The following GFRA2 variants were observed in gnomAD, a reference collection of about 807,000 sequenced individuals.
GFRA2 encodes GDNF family receptor alpha 2.
A neutral mutation model predicts 48.3 loss-of-function variants in GFRA2; 17 were observed. The observed-to-expected ratio is 0.35, with a 90% CI of 0.24 to 0.53. The LOEUF (loss-of-function observed/expected upper bound fraction) is 0.53, where lower values mean the gene tolerates loss of function less well. Ranked by LOEUF, GFRA2 falls within the 20% of genes least tolerant of loss-of-function variation. The pLI, the probability that GFRA2 is intolerant of heterozygous loss-of-function variation, is 0.93. For missense variants in GFRA2, 660 were observed against 637.3 expected (o/e 1.04, Z -0.38); for synonymous variants, 305 against 257.2 (o/e 1.19, Z -1.78).
intron 4 of GFRA2, among the ~76,000 whole-genome samples, chr8:21,747,510 T>C (rs1805065494): frequency 6.6e-6 from 1 of 152,114 alleles, no homozygotes; most frequent in African/African-American, 2.4e-5. Context: ...TCACAGAGCT[T>C]TCCCTGAGCC....
intron 4 of GFRA2, among the ~76,000 whole-genome samples, chr8:21,715,545 G>C (rs1803289068): frequency 6.6e-6 from 1 of 152,166 alleles, no homozygotes. Flanking sequence ...CTGACCTCAT[G>C]ATCCACCTGC....
chr8:21,714,648 A>T (rs1803245169), intron 4 of GFRA2, among the ~76,000 whole-genome samples: 1 of 152,156 alleles, frequency 6.6e-6, no homozygotes, highest in Non-Finnish European at 1.5e-5. Flanking sequence ...ACATTTACTG[A>T]GGACCTACTA....
intron 4 of GFRA2, among the ~76,000 whole-genome samples, chr8:21,738,181 T>A (rs1804572152): frequency 8.8e-5 from 1 of 11,302 alleles, no homozygotes; most frequent in Non-Finnish European, 1.7e-4. Flanking sequence ...CCCTCCCCCG[T>A]TCCTCCTCCT....
chr8:21,729,260 C>G (rs1240422033), intron 4 of GFRA2, among the ~76,000 whole-genome samples: 6 of 152,144 alleles, frequency 3.9e-5, no homozygotes, highest in African/African-American at 1.4e-4. Context: ...AGCCCAGGAG[C>G]TTGAGGCTGC....
At chr8:21,795,442 G>A (rs1183769857) in intron 2 of GFRA2, among the ~76,000 whole-genome samples, 4 of 150,958 alleles carry the variant, frequency 2.6e-5, no homozygotes, top group African/African-American at 9.8e-5. Context: ...ACCTAGGCCG[G>A]AGTGCTGTGG....
chr8:21,751,410 C>T (rs1264529690), intron 3 of GFRA2, among the ~76,000 whole-genome samples: 1 of 152,218 alleles, frequency 6.6e-6, no homozygotes, highest in Non-Finnish European at 1.5e-5. Context: ...GCAGACAGCA[C>T]ACACATGCCC....
intron 8 of GFRA2, among the ~76,000 whole-genome samples, chr8:21,693,646 A>G (rs1458868942): frequency 6.6e-5 from 10 of 151,918 alleles, no homozygotes; most frequent in Admixed American, 6.6e-4. Flanking sequence ...GGGTTTGGAG[A>G]GGAGGGCAGT....
At chr8:21,755,746 C>A (rs1805536475) in intron 3 of GFRA2, among the ~76,000 whole-genome samples, 1 of 152,220 alleles carries the variant, frequency 6.6e-6, no homozygotes, top group South Asian at 2.1e-4. Context: ...CAGAGGGGAG[C>A]AGGTGCAATC....
At chr8:21,741,645 C>G (rs868130144) in intron 4 of GFRA2, among the ~76,000 whole-genome samples, 1 of 152,268 alleles carries the variant, frequency 6.6e-6, no homozygotes, top group Middle Eastern at 3.4e-3. Flanking sequence ...ATAAGCTGGC[C>G]AAGCCCACTG....
intron 4 of GFRA2, among the ~76,000 whole-genome samples, chr8:21,713,798 G>A (rs971494681): frequency 2.6e-5 from 4 of 152,106 alleles, no homozygotes; most frequent in African/African-American, 9.7e-5. Context: ...GCCCTCCCAG[G>A]GATTCTGAGG....
intron 7 of GFRA2, among the ~76,000 whole-genome samples, chr8:21,702,241 C>T (rs1802517416): frequency 6.6e-6 from 1 of 152,218 alleles, no homozygotes; most frequent in Non-Finnish European, 1.5e-5. Context: ...CATGGAAGAG[C>T]TCCCCACCCA....
chr8:21,771,023 G>C (rs1218080266), intron 3 of GFRA2, among the ~76,000 whole-genome samples: 1 of 152,104 alleles, frequency 6.6e-6, no homozygotes, highest in Non-Finnish European at 1.5e-5. Context: ...ACAACCTCCT[G>C]CCTCCACTGA....
At chr8:21,795,669 A>G (rs1807660898) in intron 2 of GFRA2, among the ~76,000 whole-genome samples, 1 of 152,228 alleles carries the variant, frequency 6.6e-6, no homozygotes, top group Non-Finnish European at 1.5e-5. Flanking sequence ...CTGGGAGTAC[A>G]GGCATGAGCC....
Position 21,788,475 on chromosome 8 carries a change from G to C in GFRA2, c.-316C>G. ...CTGGGGTCAGCCCTCCCCTCCAATC[G>C]TCCGGGAAGGCGTGAGTCCCCGCGG... On this transcript the variant is annotated 5_prime_UTR_variant, in exon 1 of 9. Coordinates refer to ENST00000524240, the MANE Select transcript of GFRA2 (RefSeq NM_001495.5). 4.5e-6 allele frequency: 5 copies of C among 1,102,656 alleles called. No individual in the cohort carries two copies. The highest frequency in any genetic ancestry group is 5.5e-6 in the Non-Finnish European group (5 of 906,610). The allele number at this position is 1,102,656 out of a possible 1,614,324, so 68.3% of individuals were successfully genotyped here.
At chr8:21,747,553 G>T (rs867827456) in intron 4 of GFRA2, among the ~76,000 whole-genome samples, 2 of 151,996 alleles carry the variant, frequency 1.3e-5, no homozygotes. Flanking sequence ...GCCCCTCTCC[G>T]AACTCCAGGA....
chr8:21,766,875 G>A (rs1325257422), intron 3 of GFRA2, among the ~76,000 whole-genome samples: 25 of 2,766 alleles, frequency 9.0e-3, no homozygotes, highest in African/African-American at 0.013. Flanking sequence ...ACACACACCC[G>A]CACACGTACA....
intron 3 of GFRA2, among the ~76,000 whole-genome samples, chr8:21,766,981 A>C (rs1332479895): frequency 1.4e-5 from 2 of 139,240 alleles, no homozygotes; most frequent in African/African-American, 5.4e-5. Context: ...TCATACACTT[A>C]CTACATACCA....
chr8:21,807,519 C>T lies in GFRA2; in HGVS notation c.-147-2391G>A, dbSNP rs117818561. Among the ~76,000 whole-genome samples the T allele has an allele frequency of 3.7e-3, 559 of 152,302 alleles. 3 individuals are homozygous for T. The highest frequency in any genetic ancestry group is 6.2e-3 in the Non-Finnish European group (423 of 68,030). On this transcript the variant is annotated intron_variant, in intron 1 of 10. Coordinates refer to the GFRA2 transcript ENST00000517328. ...TGACAAAGTACTGTAAACTGGGTAG[C>T]TTAAATGCAGAAATTTACATATATT...
chr8:21,780,706 G>C (rs1806942662), intron 2 of GFRA2, among the ~76,000 whole-genome samples: 1 of 151,888 alleles, frequency 6.6e-6, no homozygotes, highest in African/African-American at 2.4e-5. Context: ...TGATTCTTCT[G>C]AGGCCTCCAT....
Sources: gnomAD v4.1 joint callset for allele counts (sites outside exome capture counted in the v4.1 genomes callset) on GRCh38, gnomAD v4.1.1 for gene constraint, MANE v1.5 for transcripts, NCBI Gene and HGNC (gene_info 2026-07-23, HGNC 2026-07-21) for gene names.